Variants in COL13A1 observed in about 807,000 individuals in gnomAD.
The protein encoded by COL13A1 is collagen alpha-1(XIII) chain.
In COL13A1, 89 loss-of-function variants were observed where a neutral mutation model predicts 130.9. The observed-to-expected ratio is 0.68, with a 90% CI of 0.57 to 0.81. The LOEUF is 0.81. Among genes scored for constraint, COL13A1 ranks in the 30% least tolerant of loss-of-function variants. COL13A1 has a pLI of 0.00. For synonymous variants in COL13A1, 402 were observed against 341.6 expected, an observed-to-expected ratio of 1.18 and a Z score of -1.95; for missense variants, 879 against 934.6, an observed-to-expected ratio of 0.94 and a Z score of 0.78.
chr10:69,814,677 T>C (rs1843981579), intron 1 of COL13A1, among the ~76,000 whole-genome samples: 1 of 152,202 alleles, frequency 6.6e-6, no homozygotes, highest in Non-Finnish European at 1.5e-5. Context: ...AATACACAGT[T>C]AGTAGGAGAG....
At chr10:69,914,019 C>G (rs1267844453) in intron 17 of COL13A1, among the ~76,000 whole-genome samples, 2 of 152,158 alleles carry the variant, frequency 1.3e-5, no homozygotes, top group African/African-American at 4.8e-5. Flanking sequence ...CTCTGATTTC[C>G]CCTGAGTACC....
Position 69,925,882 on chromosome 10 carries a change from G to A in COL13A1, c.1398+10G>A, listed in dbSNP as rs1266764315. 1 of 1,582,576 alleles carries A rather than the reference G, an allele frequency of 6.3e-7. No individual in the cohort carries two copies. The highest frequency in any genetic ancestry group is 8.6e-7 in the Non-Finnish European group (1 of 1,163,730). On this transcript the variant is annotated intron_variant, in intron 26 of 40. Transcript: ENST00000645393. ...CAATGAGGCTCTCCAGGTGAGCAGG[G>A]TCCAGCCCAGAGGCCAAGATCCTCA...
intron 38 of COL13A1, among the ~76,000 whole-genome samples, chr10:69,951,525 C>T (rs948844759): frequency 3.9e-5 from 6 of 151,996 alleles, no homozygotes; most frequent in Admixed American, 1.3e-4. Context: ...CCACCACACC[C>T]GACTAATTTT....
chr10:69,858,832 TAAGA>T (rs1309387266), intron 2 of COL13A1, among the ~76,000 whole-genome samples: 2 of 152,202 alleles, frequency 1.3e-5, no homozygotes, highest in African/African-American at 2.4e-5. Flanking sequence ...ATGTAAAGGT[TAAGA>T]AAGAAAGCTT....
At chr10:69,857,195 C>T (rs993649842) in intron 2 of COL13A1, among the ~76,000 whole-genome samples, 2 of 152,224 alleles carry the variant, frequency 1.3e-5, no homozygotes, top group Non-Finnish European at 2.9e-5. Context: ...ATTCTGACCC[C>T]AACCTGGAAG....
At chr10:69,849,908 A>G (rs909173025) in intron 2 of COL13A1, among the ~76,000 whole-genome samples, 2 of 152,260 alleles carry the variant, frequency 1.3e-5, no homozygotes, top group African/African-American at 4.8e-5. Flanking sequence ...GAGTAAGGTC[A>G]GAGGTCAGGA....
chr10:69,937,960 A>C (rs1180651809), intron 34 of COL13A1, among the ~76,000 whole-genome samples: 1 of 152,196 alleles, frequency 6.6e-6, no homozygotes, highest in African/African-American at 2.4e-5. Context: ...CCCAAGGGGC[A>C]CTGAGCTGGG....
intron 4 of COL13A1, 48 bp from the exon 5 acceptor site, chr10:69,875,080 A>G: frequency 1.2e-6 from 2 of 1,613,572 alleles, no homozygotes; most frequent in East Asian, 4.5e-5. Context: ...TTCACATGCT[A>G]GCCTGGTTCC....
intron 25 of COL13A1, among the ~76,000 whole-genome samples, chr10:69,925,405 C>A (rs1007088819): frequency 6.6e-6 from 1 of 152,258 alleles, no homozygotes; most frequent in Non-Finnish European, 1.5e-5. Context: ...CAGCTTCTTG[C>A]ATGACTCAGC....
intron 13 of COL13A1, 53 bp from the exon 14 acceptor site, chr10:69,898,644 C>A: frequency 6.5e-7 from 1 of 1,538,212 alleles, no homozygotes; most frequent in South Asian, 1.2e-5. Context: ...GATCTGAATA[C>A]CTGTGATCTT....
intron 4 of COL13A1, among the ~76,000 whole-genome samples, chr10:69,874,261 C>T (rs756674520): frequency 3.3e-4 from 51 of 152,316 alleles, no homozygotes; most frequent in African/African-American, 9.6e-4. Context: ...GGTTAGCAGA[C>T]GCAGAGTCAC....
At chr10:69,867,940 C>T (rs1051170134) in intron 3 of COL13A1, 135 bp downstream of exon 3, 7 of 646,176 alleles carry the variant, frequency 1.1e-5, no homozygotes, top group East Asian at 2.8e-5. Context: ...CTGAGGGGTC[C>T]CTCCAGAATG....
chr10:69,895,155 G>GA (rs1014458623), intron 12 of COL13A1, among the ~76,000 whole-genome samples: 6 of 152,376 alleles, frequency 3.9e-5, no homozygotes, highest in African/African-American at 1.4e-4. Flanking sequence ...CCAGCTCAGA[G>GA]AAGGTGGCTT....
intron 1 of COL13A1, among the ~76,000 whole-genome samples, chr10:69,821,816 G>A (rs750630162): frequency 1.3e-5 from 2 of 152,180 alleles, no homozygotes; most frequent in African/African-American, 4.8e-5. Context: ...CTACCTCTCT[G>A]ATGCTCCCAC....
chr10:69,924,668 C>T (rs531929523), intron 24 of COL13A1, among the ~76,000 whole-genome samples: 1 of 152,200 alleles, frequency 6.6e-6, no homozygotes, highest in Non-Finnish European at 1.5e-5. Context: ...ATGGAGGCAA[C>T]TGACTTAGGG....
intron 20 of COL13A1, among the ~76,000 whole-genome samples, chr10:69,919,361 T>C (rs998323219): frequency 6.6e-6 from 1 of 152,122 alleles, no homozygotes; most frequent in African/African-American, 2.4e-5. Context: ...CAATAAGAGG[T>C]GTGACAATAA....
chr10:69,829,326 C>A (rs1275992313), intron 2 of COL13A1: 2 of 887,164 alleles, frequency 2.3e-6, no homozygotes, highest in Non-Finnish European at 2.7e-6. Context: ...ATAACCAAAG[C>A]ACTTCAGTAC....
intron 2 of COL13A1, among the ~76,000 whole-genome samples, chr10:69,856,849 C>T (rs1856574144): frequency 6.6e-6 from 1 of 152,138 alleles, no homozygotes; most frequent in Non-Finnish European, 1.5e-5. Context: ...GAGACTCAGT[C>T]AAGGGTGACA....
chr10:69,939,977 T>C (rs1174752823), intron 34 of COL13A1, among the ~76,000 whole-genome samples: 4 of 152,154 alleles, frequency 2.6e-5, no homozygotes, highest in Admixed American at 1.3e-4. Context: ...TGAGGCTCAG[T>C]TGGAAGCAGT....
Sources: gnomAD v4.1 joint callset for allele counts (sites outside exome capture counted in the v4.1 genomes callset) on GRCh38, gnomAD v4.1.1 for gene constraint, MANE v1.5 for transcripts, NCBI Gene and HGNC (gene_info 2026-07-23, HGNC 2026-07-21) for gene names.